The following RYR3 variants were observed in gnomAD, a reference collection of about 807,000 sequenced individuals.
The protein encoded by RYR3 is brain ryanodine receptor-calcium release channel.
In RYR3, 207 loss-of-function variants were observed where a neutral mutation model predicts 584.3. The observed-to-expected ratio is 0.35, with a 90% CI of 0.32 to 0.40. The LOEUF (loss-of-function observed/expected upper bound fraction) is 0.40, where lower values mean the gene tolerates loss of function less well. RYR3 is among the 10% of genes least tolerant of loss of function. RYR3 has a pLI of 1.00. For missense variants in RYR3, 5,616 were observed against 6,089.2 expected, an observed-to-expected ratio of 0.92 and a Z score of 2.59; for synonymous variants, 2,416 against 2,248.5, an observed-to-expected ratio of 1.07 and a Z score of -2.11.
intron 67 of RYR3, among the ~76,000 whole-genome samples, chr15:33,794,316 T>TAAC (rs2152923257): frequency 9.1e-6 from 1 of 110,204 alleles, no homozygotes; most frequent in East Asian, 3.6e-4. Flanking sequence ...TTTTTATATA[T>TAAC]ATATATTTTT....
intron 16 of RYR3, among the ~76,000 whole-genome samples, chr15:33,598,557 C>A: frequency 6.6e-6 from 1 of 151,308 alleles, no homozygotes; most frequent in South Asian, 2.1e-4. Context: ...ATTTGCAAGA[C>A]AGAATCCCAA....
At chr15:33,529,334 A>G (rs1398689523) in intron 3 of RYR3, among the ~76,000 whole-genome samples, 2 of 152,226 alleles carry the variant, frequency 1.3e-5, no homozygotes, top group South Asian at 4.1e-4. Flanking sequence ...TGTGACATGA[A>G]AAATCATCTT....
chr15:33,492,994 G>T (rs2051101995), intron 2 of RYR3, among the ~76,000 whole-genome samples: 2 of 152,142 alleles, frequency 1.3e-5, no homozygotes, highest in South Asian at 4.2e-4. Context: ...TCATTCCAGA[G>T]GGAGGAGGGT....
chr15:33,338,844 A>G (rs1971458665), intron 1 of RYR3, among the ~76,000 whole-genome samples: 1 of 152,254 alleles, frequency 6.6e-6, no homozygotes, highest in African/African-American at 2.4e-5. Context: ...GGTGACAAAA[A>G]AAAGTCCTTG....
rs113559309 is a variant in RYR3 at position 33,830,439 on chromosome 15, G to A, written c.11335-524G>A. Among the ~76,000 whole-genome samples, 379 of 152,252 alleles carry A rather than the reference G, an allele frequency of 2.5e-3. 1 individual carries two copies. The highest frequency in any genetic ancestry group is 8.7e-3 in the African/African-American group (362 of 41,546). On this transcript the variant is annotated intron_variant, in intron 85 of 103. Transcript: ENST00000634891. Reference sequence around the variant, plus strand: ...TGTTTTTTAAAGACATAATGCTATTGCACACTTAATAGACTACAGCATATT... The same window carrying A: ...TGTTTTTTAAAGACATAATGCTATTACACACTTAATAGACTACAGCATATT...
intron 12 of RYR3, among the ~76,000 whole-genome samples, chr15:33,569,163 T>C (rs894503039): frequency 6.6e-6 from 1 of 152,230 alleles, no homozygotes; most frequent in African/African-American, 2.4e-5. Flanking sequence ...TCTATGGATA[T>C]TAGTGTAAAA....
chr15:33,630,132 T>A, intron 22 of RYR3, 89 bp downstream of exon 22: 5 of 688,720 alleles, frequency 7.3e-6, no homozygotes, highest in African/African-American at 1.8e-5. Context: ...GTCTCTTGCC[T>A]GAAAACGTGG....
chr15:33,857,744 C>T (rs189562516), intron 98 of RYR3, 36 bp from the exon 99 acceptor site: 3 of 1,612,816 alleles, frequency 1.9e-6, no homozygotes, highest in East Asian at 2.2e-5. Context: ...AGAGAAGACC[C>T]CACTCCTTTT....
At chr15:33,579,531 A>C (rs1311447611) in intron 12 of RYR3, among the ~76,000 whole-genome samples, 2 of 152,202 alleles carry the variant, frequency 1.3e-5, no homozygotes, top group African/African-American at 2.4e-5. Context: ...ATTTTAAAAA[A>C]AAATGTGTGA....
At chr15:33,514,458 G>A (rs903162715) in intron 3 of RYR3, among the ~76,000 whole-genome samples, 3 of 152,106 alleles carry the variant, frequency 2.0e-5, no homozygotes, top group African/African-American at 7.2e-5. Context: ...CAGCCTTTGG[G>A]AGTTTGCTTT....
At chr15:33,680,919 AG>A (rs1205556709) in intron 38 of RYR3, among the ~76,000 whole-genome samples, 7 of 152,226 alleles carry the variant, frequency 4.6e-5, no homozygotes, top group Non-Finnish European at 5.9e-5. Flanking sequence ...GAGGGAGAAC[AG>A]GGCAAAAAGA....
At chr15:33,312,309 C>T (rs189578719) in intron 1 of RYR3, among the ~76,000 whole-genome samples, 1 of 152,296 alleles carries the variant, frequency 6.6e-6, no homozygotes, top group East Asian at 1.9e-4. Flanking sequence ...GAAGCGCTTC[C>T]TTCCAATTTA....
At chr15:33,438,451 A>G (rs2045927527) in intron 1 of RYR3, among the ~76,000 whole-genome samples, 1 of 152,118 alleles carries the variant, frequency 6.6e-6, no homozygotes, top group Non-Finnish European at 1.5e-5. Flanking sequence ...TGTCTCACTA[A>G]GCATAACTTT....
intron 2 of RYR3, among the ~76,000 whole-genome samples, chr15:33,482,841 T>C (rs1387860265): frequency 6.6e-6 from 1 of 152,152 alleles, no homozygotes. Context: ...GTATAGAATT[T>C]GGGGGACATT....
At chr15:33,822,854 A>G (rs2077180715) in intron 80 of RYR3, 142 bp from the exon 81 acceptor site, 3 of 565,544 alleles carry the variant, frequency 5.3e-6, no homozygotes, top group South Asian at 3.3e-5. Flanking sequence ...TAAAATAAAC[A>G]TGATCTACCC....
chr15:33,413,494 T>G (rs1372752637), intron 1 of RYR3, among the ~76,000 whole-genome samples: 2 of 152,218 alleles, frequency 1.3e-5, no homozygotes, highest in Admixed American at 1.3e-4. Flanking sequence ...CTCAGAGCTT[T>G]CTTAGCAGGT....
rs1268927076 is a variant in RYR3 at position 33,390,993 on chromosome 15, A to C, written c.51+79897A>C. On this transcript the variant is annotated intron_variant, in intron 1 of 103. Coordinates refer to ENST00000634891, the MANE Select transcript of RYR3 (RefSeq NM_001036.6). The surrounding 1 kb of genome is among the most constrained non-coding windows in gnomAD (Gnocchi z 4.2). ...TATGATCCAGCTGTGTATTCTTACT[A>C]TGTGGCTATAATAAACTCCAGCTTT... 6.6e-6 allele frequency among the ~76,000 whole-genome samples: 1 copy of C among 152,176 alleles called. No individual in the cohort carries two copies. Among genetic ancestry groups the C allele is most frequent in the African/African-American group, 2.4e-5 (1 of 41,454 alleles).
rs969016767 is a variant in RYR3, at chr15:33,532,038, A to G, written c.355-1273A>G. 3.9e-5 allele frequency among the ~76,000 whole-genome samples: 6 copies of G among 152,194 alleles called. 1 individual carries two copies. In the East Asian group the frequency reaches 9.6e-4, roughly 24 times the overall value. On this transcript the variant is annotated intron_variant, in intron 4 of 103. Transcript: ENST00000634891. ...AAAAAGTTCTACTCACAGTGAACAT[A>G]TACTCTCTACTGGCTAGCTCCTTTT...
intron 1 of RYR3, among the ~76,000 whole-genome samples, chr15:33,437,217 G>T (rs535009830): frequency 6.6e-5 from 10 of 152,098 alleles, no homozygotes; most frequent in Non-Finnish European, 1.0e-4. Context: ...CCTGGAGTTT[G>T]TCTCATGCAA....
Sources: gnomAD v4.1 joint callset for allele counts (sites outside exome capture counted in the v4.1 genomes callset) on GRCh38, gnomAD v4.1.1 for gene constraint, Gnocchi (gnomAD v3.1) non-coding constraint, MANE v1.5 for transcripts, NCBI Gene and HGNC (gene_info 2026-07-23, HGNC 2026-07-21) for gene names.